HRH1: variants seen among roughly 807,000 people sequenced by gnomAD.
HRH1 encodes the protein histamine receptor H1, also known as histamine H1 receptor.
In HRH1, 6 loss-of-function variants were observed where a neutral mutation model predicts 10.3. The observed-to-expected ratio is 0.58, with a 90% CI of 0.32 to 1.15. The LOEUF (loss-of-function observed/expected upper bound fraction) is 1.15. Among genes scored for constraint, HRH1 ranks in the 50% most tolerant of loss-of-function variants. The probability of loss-of-function intolerance (pLI) is 0.05; values close to 1 mark genes in which losing one functional copy is unlikely to be tolerated. For missense variants in HRH1, 514 were observed against 615.3 expected (o/e 0.84, Z 1.74); for synonymous variants, 242 against 236.7 (o/e 1.02, Z -0.21).
intron 1 of HRH1, among the ~76,000 whole-genome samples, chr3:11,208,712 G>A (rs1938222393): frequency 6.6e-6 from 1 of 152,230 alleles, no homozygotes. Context: ...CATGTCAGCA[G>A]AGAAAGCCAC....
At chr3:11,158,056 A>G (rs1936851388) in intron 1 of HRH1, among the ~76,000 whole-genome samples, 1 of 152,244 alleles carries the variant, frequency 6.6e-6, no homozygotes, top group Non-Finnish European at 1.5e-5. Flanking sequence ...GAATGGATGA[A>G]TATGTGAATG....
chr3:11,173,778 G>A (rs780305809), intron 1 of HRH1, among the ~76,000 whole-genome samples: 9 of 152,076 alleles, frequency 5.9e-5, no homozygotes, highest in Non-Finnish European at 1.3e-4. Flanking sequence ...TTCATCTTCT[G>A]TGGGACTCAC....
chr3:11,230,459 A>G (rs1939009634), intron 1 of HRH1, among the ~76,000 whole-genome samples: 1 of 152,210 alleles, frequency 6.6e-6, no homozygotes, highest in Admixed American at 6.5e-5. Flanking sequence ...GCTGGATCCC[A>G]GTGTACGATA....
chr3:11,220,845 T>C (rs1270608200), intron 1 of HRH1, among the ~76,000 whole-genome samples: 1 of 152,214 alleles, frequency 6.6e-6, no homozygotes, highest in Non-Finnish European at 1.5e-5. Flanking sequence ...CATTTCATGA[T>C]TTTATGATTG....
intron 1 of HRH1, among the ~76,000 whole-genome samples, chr3:11,174,861 G>T (rs1937219579): frequency 6.6e-6 from 1 of 152,176 alleles, no homozygotes; most frequent in Non-Finnish European, 1.5e-5. Flanking sequence ...GGAAGCCATT[G>T]TGGGGTCTGG....
At chr3:11,249,811 A>G (rs1939589097) in intron 1 of HRH1, among the ~76,000 whole-genome samples, 1 of 152,166 alleles carries the variant, frequency 6.6e-6, no homozygotes. Flanking sequence ...TCCCAGACTA[A>G]TTGATCCCGG....
chr3:11,251,118 AG>A (rs1400652985), intron 1 of HRH1, among the ~76,000 whole-genome samples: 1 of 152,098 alleles, frequency 6.6e-6, no homozygotes, highest in Non-Finnish European at 1.5e-5. Flanking sequence ...CAGGGACTGT[AG>A]CTGGAGGGGG....
chr3:11,212,160 CGACAGGAATAAG>C (rs1465998469), intron 1 of HRH1, among the ~76,000 whole-genome samples: 1 of 152,058 alleles, frequency 6.6e-6, no homozygotes, highest in Non-Finnish European at 1.5e-5. Context: ...CATAGAATTG[CGACAGGAATAAG>C]GACAGGAATT....
At chr3:11,150,912 G>A (rs1936598735), upstream of HRH1, among the ~76,000 whole-genome samples, 1 of 152,234 alleles carries the variant, frequency 6.6e-6, no homozygotes. Context: ...TTGCCTGCAT[G>A]AGCTTATCTA....
chr3:11,237,081 T>C lies in HRH1; in HGVS notation c.-35-21922T>C, dbSNP rs535300530. On this transcript the variant is annotated intron_variant, in intron 1 of 1. Transcript: ENST00000431010. ...AAGGATTCGGAACAAAATGAACACA[T>C]TATTCATCCTATCCTGAAATGATAC... Among the ~76,000 whole-genome samples the C allele has an allele frequency of 5.3e-5, 8 of 152,350 alleles. No homozygotes were observed. In the East Asian group the frequency reaches 1.5e-3, roughly 29 times the overall value.
chr3:11,195,676 T>C (rs543551019), intron 1 of HRH1, among the ~76,000 whole-genome samples: 2 of 152,328 alleles, frequency 1.3e-5, no homozygotes, highest in South Asian at 4.1e-4. Context: ...CAGGACTCTC[T>C]GGGTTGCCAG....
At chr3:11,255,171 C>G (rs1248352084) in intron 1 of HRH1, among the ~76,000 whole-genome samples, 3 of 152,180 alleles carry the variant, frequency 2.0e-5, no homozygotes, top group Admixed American at 6.5e-5. Flanking sequence ...TTTATCATCT[C>G]TGACAGGAGG....
intron 1 of HRH1, among the ~76,000 whole-genome samples, chr3:11,231,015 C>T (rs186677653): frequency 6.6e-6 from 1 of 152,184 alleles, no homozygotes; most frequent in Admixed American, 6.5e-5. Flanking sequence ...TCACCTCCCC[C>T]ATCCCTAAAC....
chr3:11,162,151 G>A (rs983480870), intron 1 of HRH1, among the ~76,000 whole-genome samples: 2 of 152,084 alleles, frequency 1.3e-5, no homozygotes, highest in Non-Finnish European at 2.9e-5. Context: ...CTGCAGGCAC[G>A]CTGGCTCCCA....
At chr3:11,225,643 G>A (rs188737531) in intron 1 of HRH1, among the ~76,000 whole-genome samples, 19 of 152,344 alleles carry the variant, frequency 1.2e-4, no homozygotes, top group South Asian at 4.1e-4. Context: ...AAAAAAGTCT[G>A]ATCAGTAATT....
In HRH1 at chr3:11,251,472, TG is replaced by T. The variant is rs535072652; in HGVS notation, c.-35-7530del. 5.9e-4 allele frequency among the ~76,000 whole-genome samples: 90 copies of T among 152,346 alleles called. 1 individual carries two copies. Among genetic ancestry groups the T allele is most frequent in the African/African-American group, 2.1e-3 (87 of 41,586 alleles). ...CTTGATTTAGTGTAAACAACTCACA[TG>T]TTTGCTCAGACCAGTCATTAGGTAG... On this transcript the variant is annotated intron_variant, in intron 1 of 1. Transcript: ENST00000431010.
At chr3:11,177,253 T>TAAATAAATAAATAAA (rs1553569987) in intron 1 of HRH1, among the ~76,000 whole-genome samples, 1 of 149,342 alleles carries the variant, frequency 6.7e-6, no homozygotes, top group African/African-American at 2.5e-5. Context: ...AATAAATAAA[T>TAAATAAATAAATAAA]TAAATAAATA....
At chr3:11,221,554 C>CAA (rs570590181) in intron 1 of HRH1, among the ~76,000 whole-genome samples, 2 of 129,768 alleles carry the variant, frequency 1.5e-5, no homozygotes, top group African/African-American at 2.9e-5. Context: ...GACTCCATCT[C>CAA]AAAAAAAAAA....
intron 1 of HRH1, among the ~76,000 whole-genome samples, chr3:11,155,164 G>C (rs569002019): frequency 6.6e-6 from 1 of 152,232 alleles, no homozygotes; most frequent in African/African-American, 2.4e-5. Flanking sequence ...CCTGGAGTCG[G>C]GGGTGGGAAC....
Sources: gnomAD v4.1 joint callset for allele counts (sites outside exome capture counted in the v4.1 genomes callset) on GRCh38, gnomAD v4.1.1 for gene constraint, MANE v1.5 for transcripts, NCBI Gene and HGNC (gene_info 2026-07-23, HGNC 2026-07-21) for gene names.